Variants in DENND5B observed in about 807,000 individuals in gnomAD.
The protein encoded by DENND5B is DENN domain-containing protein 5B.
In DENND5B, 34 loss-of-function variants were observed where a neutral mutation model predicts 140.6. The ratio of observed to expected loss-of-function variants is 0.24; its 90% CI spans 0.18 to 0.32. The LOEUF (loss-of-function observed/expected upper bound fraction) is 0.32. Among genes scored for constraint, DENND5B ranks in the 10% least tolerant of loss-of-function variants. The probability of loss-of-function intolerance (pLI) is 1.00; values close to 1 mark genes in which losing one functional copy is unlikely to be tolerated. For missense variants in DENND5B, 1,142 were observed against 1,560.2 expected (o/e 0.73, Z 4.52); for synonymous variants, 551 against 562.1 (o/e 0.98, Z 0.28).
intron 1 of DENND5B, among the ~76,000 whole-genome samples, chr12:31,504,847 C>T (rs956500448): frequency 4.6e-5 from 7 of 152,114 alleles, no homozygotes; most frequent in South Asian, 4.2e-4. Context: ...ACGTCATTTC[C>T]GGGTCAAGGC....
chr12:31,532,683 A>T (rs1341060461), intron 1 of DENND5B, among the ~76,000 whole-genome samples: 1 of 152,180 alleles, frequency 6.6e-6, no homozygotes, highest in Non-Finnish European at 1.5e-5. Flanking sequence ...TTGAGGATAA[A>T]ATTAGATATG....
intron 4 of DENND5B, among the ~76,000 whole-genome samples, chr12:31,454,381 C>T (rs1046653954): frequency 2.0e-5 from 3 of 152,144 alleles, no homozygotes; most frequent in African/African-American, 7.2e-5. Context: ...GCAGTTTTCT[C>T]TAAATAAATA....
intron 8 of DENND5B, among the ~76,000 whole-genome samples, chr12:31,429,965 C>T (rs1184819629): frequency 6.6e-6 from 1 of 151,668 alleles, no homozygotes; most frequent in Non-Finnish European, 1.5e-5. Context: ...CCTCAGCCTC[C>T]CAAACTGTTG....
chr12:31,475,077 GA>G (rs773887948), intron 3 of DENND5B, among the ~76,000 whole-genome samples: 13 of 152,136 alleles, frequency 8.5e-5, no homozygotes, highest in Non-Finnish European at 1.0e-4. Context: ...ATCTTGGGCA[GA>G]TTACTTAGTT....
At chr12:31,409,587 T>C (rs149725141) in intron 13 of DENND5B, among the ~76,000 whole-genome samples, 3,256 of 150,576 alleles carry the variant, frequency 0.022, 110 homozygotes, top group African/African-American at 0.076. Flanking sequence ...CAAGTGATTC[T>C]CCTGCCTCAG....
chr12:31,410,650 C>T (rs1942396115), intron 13 of DENND5B, among the ~76,000 whole-genome samples: 1 of 152,052 alleles, frequency 6.6e-6, no homozygotes, highest in Admixed American at 6.6e-5. Flanking sequence ...AGCAATCCTC[C>T]CACTTTGGCC....
At chr12:31,505,944 C>G (rs1218737484) in intron 1 of DENND5B, among the ~76,000 whole-genome samples, 1 of 152,090 alleles carries the variant, frequency 6.6e-6, no homozygotes, top group African/African-American at 2.4e-5. Flanking sequence ...AAGTGATCCT[C>G]TCACCTCAGC....
At chr12:31,397,849 G>A (rs1344369849) in intron 17 of DENND5B, among the ~76,000 whole-genome samples, 1 of 152,082 alleles carries the variant, frequency 6.6e-6, no homozygotes, top group African/African-American at 2.4e-5. Context: ...ATTTGAACCC[G>A]GGAAGCAGAG....
intron 8 of DENND5B, among the ~76,000 whole-genome samples, chr12:31,431,118 C>T (rs555147913): frequency 7.2e-5 from 11 of 152,218 alleles, no homozygotes; most frequent in Non-Finnish European, 1.3e-4. Flanking sequence ...TCTGAGATTA[C>T]TACTGTGCTC....
chr12:31,452,347 C>G lies in DENND5B; in HGVS notation c.1222G>C (p.Glu408Gln). The G allele has an allele frequency of 6.2e-7, 1 of 1,613,992 alleles. No homozygotes were observed. The highest frequency in any genetic ancestry group is 8.5e-7 in the Non-Finnish European group (1 of 1,179,900). The stretch of plus-strand genomic sequence containing the variant: ...CTCTCACTGCAATGTAGGCTGCCCT[C>G]AGGAGGGATCCCAAATTGAACAAGA... ...EVLVQFGIPP[E>Q]GSLHCSESTS... Residue 408 changes from glutamate to glutamine, a missense_variant, in exon 5 of 21, where the codon GAG becomes CAG. Transcript: ENST00000389082.
intron 4 of DENND5B, among the ~76,000 whole-genome samples, chr12:31,459,611 A>G (rs1944927777): frequency 6.6e-6 from 1 of 152,138 alleles, no homozygotes; most frequent in Non-Finnish European, 1.5e-5. Flanking sequence ...TAAACATTTG[A>G]AAGTACAACA....
intron 8 of DENND5B, 134 bp from the exon 9 acceptor site, chr12:31,426,558 A>C: frequency 9.7e-7 from 1 of 1,027,394 alleles, no homozygotes; most frequent in African/African-American, 1.6e-5. Flanking sequence ...AACAACAATT[A>C]ATGTTTTAGT....
intron 11 of DENND5B, among the ~76,000 whole-genome samples, chr12:31,416,904 CTTTTTTTTTTTAATTAGCT>C (rs1942770639): frequency 7.3e-6 from 1 of 136,104 alleles, no homozygotes; most frequent in Admixed American, 7.6e-5. Flanking sequence ...ATATATATGT[CTTTTTTTTTTTAATTAGCT>C]TTTTTTTTTT....
At chr12:31,589,878 C>G (rs1179925591) in intron 1 of DENND5B, 1 of 152,384 alleles carries the variant, frequency 6.6e-6, no homozygotes, top group South Asian at 2.1e-4. Context: ...GCCCATCGCC[C>G]TTTAGCGGCC....
At chr12:31,481,588 A>G (rs1476262286) in intron 2 of DENND5B, among the ~76,000 whole-genome samples, 5 of 152,242 alleles carry the variant, frequency 3.3e-5, no homozygotes, top group Admixed American at 6.5e-5. Context: ...GTGGATAAAG[A>G]AGATTCCAGG....
chr12:31,443,075 C>G (rs753841692), intron 6 of DENND5B, 150 bp from the exon 7 acceptor site: 9 of 670,836 alleles, frequency 1.3e-5, no homozygotes, highest in African/African-American at 5.5e-5. Context: ...CACGCACGCA[C>G]GCATATATGC....
At chr12:31,560,152 C>T (rs959981548) in intron 1 of DENND5B, among the ~76,000 whole-genome samples, 8 of 152,134 alleles carry the variant, frequency 5.3e-5, no homozygotes, top group African/African-American at 1.7e-4. Context: ...CAGACTCATA[C>T]GTCTAACTGC....
chr12:31,511,690 T>A (rs1947423511), intron 1 of DENND5B, among the ~76,000 whole-genome samples: 1 of 152,100 alleles, frequency 6.6e-6, no homozygotes, highest in Non-Finnish European at 1.5e-5. Flanking sequence ...AACACATTAT[T>A]CACCCTTACA....
chr12:31,506,589 A>G (rs1947210939), intron 1 of DENND5B, among the ~76,000 whole-genome samples: 1 of 152,204 alleles, frequency 6.6e-6, no homozygotes, highest in African/African-American at 2.4e-5. Flanking sequence ...TTCAGACACC[A>G]GCCACACTTT....
Sources: allele counts gnomAD v4.1 joint callset (sites outside exome capture counted in the v4.1 genomes callset), GRCh38; gene constraint gnomAD v4.1.1; transcripts MANE v1.5; gene names NCBI Gene and HGNC (gene_info 2026-07-23, HGNC 2026-07-21).